ANO10: variants seen among roughly 807,000 people sequenced by gnomAD.
ANO10 encodes anoctamin 10.
A neutral mutation model predicts 74.7 loss-of-function variants in ANO10; 77 were observed. The observed-to-expected ratio is 1.03, with a 90% CI of 0.86 to 1.25. The LOEUF is 1.25. Ranked by LOEUF, ANO10 falls within the 50% of genes most tolerant of loss-of-function variation. ANO10 has a pLI of 0.00. For missense variants in ANO10, 721 were observed against 778.1 expected (o/e 0.93, Z 0.87); for synonymous variants, 279 against 284.9 (o/e 0.98, Z 0.21).
intron 1 of ANO10, among the ~76,000 whole-genome samples, chr3:43,607,367 A>C (rs1008740682): frequency 1.3e-5 from 2 of 152,014 alleles, no homozygotes; most frequent in African/African-American, 4.8e-5. Flanking sequence ...AAACAAAAAA[A>C]AAACCAAGGC....
At chr3:43,406,387 A>G (rs1384189420) in intron 12 of ANO10, among the ~76,000 whole-genome samples, 1 of 152,206 alleles carries the variant, frequency 6.6e-6, no homozygotes, top group Non-Finnish European at 1.5e-5. Flanking sequence ...TATAAATATC[A>G]TGACGACATT....
chr3:43,634,673 T>C (rs2149560578), intron 1 of ANO10, among the ~76,000 whole-genome samples: 1 of 152,322 alleles, frequency 6.6e-6, no homozygotes, highest in African/African-American at 2.4e-5. Flanking sequence ...TCTTCATTTA[T>C]TCCCATCTGG....
chr3:43,530,700 A>T (rs1225979436), intron 11 of ANO10, among the ~76,000 whole-genome samples: 2 of 152,148 alleles, frequency 1.3e-5, no homozygotes, highest in Non-Finnish European at 2.9e-5. Flanking sequence ...AGTATATTAT[A>T]ATGATTGTTC....
Position 43,555,160 on chromosome 3 carries a change from C to A in ANO10, c.1668+118G>T, listed in dbSNP as rs1575415206. On this transcript the variant is annotated intron_variant, in intron 10 of 12. Coordinates refer to ENST00000292246, the MANE Select transcript of ANO10 (RefSeq NM_018075.5). ...GCCACACAGCTAGTTTGTAGCCAAACAAACAAATTCAGTTTTCCTAAATCT... is the reference window on the plus strand; with the variant it reads ...GCCACACAGCTAGTTTGTAGCCAAAAAAACAAATTCAGTTTTCCTAAATCT... 8.5e-6 allele frequency: 9 copies of A among 1,058,220 alleles called. No individual in the cohort carries two copies. In the South Asian group the frequency reaches 1.1e-4, roughly 13 times the overall value. The allele number at this position is 1,058,220 out of a possible 1,614,324, so 65.6% of individuals were successfully genotyped here.
chr3:43,453,981 T>C (rs1197331670), intron 11 of ANO10, among the ~76,000 whole-genome samples: 1 of 152,212 alleles, frequency 6.6e-6, no homozygotes, highest in African/African-American at 2.4e-5. Context: ...AGACATATAA[T>C]TAAACTATTC....
intron 11 of ANO10, among the ~76,000 whole-genome samples, chr3:43,458,067 A>T (rs1237576162): frequency 6.6e-6 from 1 of 152,222 alleles, no homozygotes; most frequent in African/African-American, 2.4e-5. Context: ...AGACAACCAC[A>T]TATTGGAAAA....
At chr3:43,513,542 C>A (rs1319511578) in intron 11 of ANO10, among the ~76,000 whole-genome samples, 1 of 152,152 alleles carries the variant, frequency 6.6e-6, no homozygotes, top group East Asian at 1.9e-4. Flanking sequence ...CGGAGTCTCA[C>A]TCTCTCGCCC....
intron 10 of ANO10, 52 bp from the exon 11 acceptor site, chr3:43,549,900 T>C: frequency 1.3e-6 from 2 of 1,595,476 alleles, no homozygotes; most frequent in Non-Finnish European, 1.7e-6. Context: ...CTTCCATATT[T>C]CCTCATCCTT....
chr3:43,565,792 G>A, intron 7 of ANO10, 65 bp from the exon 8 acceptor site: 1 of 1,485,444 alleles, frequency 6.7e-7, no homozygotes, highest in Non-Finnish European at 9.1e-7. Context: ...TACTACAACT[G>A]TAATGCAGCA....
At chr3:43,416,215 T>A (rs2092736729) in intron 12 of ANO10, among the ~76,000 whole-genome samples, 1 of 152,202 alleles carries the variant, frequency 6.6e-6, no homozygotes. Flanking sequence ...AAACAAAAAG[T>A]GTCTACAAAT....
intron 12 of ANO10, among the ~76,000 whole-genome samples, chr3:43,413,948 A>G (rs1231591327): frequency 6.6e-6 from 1 of 151,918 alleles, no homozygotes; most frequent in Non-Finnish European, 1.5e-5. Flanking sequence ...TCATGAGAGA[A>G]GTCATCCTCC....
rs1240200674 is a variant in ANO10 at position 43,605,858 on chromosome 3, A to G, written c.-6T>C. Reference sequence around the variant, plus strand: ...GCTGATAAGGTCACTTTCATCTTTGACAAATCTGCGGAAAATTAAAATAAA... The same window carrying G: ...GCTGATAAGGTCACTTTCATCTTTGGCAAATCTGCGGAAAATTAAAATAAA... On this transcript the variant is annotated 5_prime_UTR_variant, in exon 2 of 13. Transcript: ENST00000292246. 5.6e-5 allele frequency: 90 copies of G among 1,613,196 alleles called. No individual in the cohort carries two copies. The highest frequency in any genetic ancestry group is 7.5e-5 in the Non-Finnish European group (89 of 1,179,590).
intron 2 of ANO10, 64 bp from the exon 3 acceptor site, chr3:43,600,645 C>G: frequency 7.6e-7 from 1 of 1,318,084 alleles, no homozygotes; most frequent in East Asian, 2.5e-5. Context: ...TAAAAACTTT[C>G]TAAATAAATA....
At chr3:43,685,087 GA>G (rs1243422510) in intron 1 of ANO10, among the ~76,000 whole-genome samples, 2 of 151,792 alleles carry the variant, frequency 1.3e-5, no homozygotes, top group Non-Finnish European at 2.9e-5. Flanking sequence ...ATAATAAAGA[GA>G]AAAAAAATAA....
chr3:43,524,977 A>G (rs989742445), intron 11 of ANO10, among the ~76,000 whole-genome samples: 3 of 152,082 alleles, frequency 2.0e-5, no homozygotes, highest in Admixed American at 2.0e-4. Context: ...GACTCTTCCA[A>G]CCCCTCTTAA....
At chr3:43,461,613 C>G (rs1370908137) in intron 11 of ANO10, among the ~76,000 whole-genome samples, 1 of 152,162 alleles carries the variant, frequency 6.6e-6, no homozygotes, top group Non-Finnish European at 1.5e-5. Context: ...GAGGAGTTCC[C>G]TGCACAAGCT....
intron 1 of ANO10, among the ~76,000 whole-genome samples, chr3:43,633,007 GT>G (rs1559377941): frequency 6.6e-6 from 1 of 152,070 alleles, no homozygotes; most frequent in African/African-American, 2.4e-5. Flanking sequence ...TTCGCATCAC[GT>G]TTAAAATGCC....
intron 4 of ANO10, among the ~76,000 whole-genome samples, chr3:43,583,231 C>T (rs529410790): frequency 3.1e-4 from 47 of 151,484 alleles, no homozygotes; most frequent in African/African-American, 1.0e-3. Context: ...TAGAAGTTTG[C>T]TTTTTGGTTT....
intron 11 of ANO10, among the ~76,000 whole-genome samples, chr3:43,448,830 ATTGT>A (rs1278650294): frequency 3.4e-5 from 5 of 149,034 alleles, no homozygotes; most frequent in African/African-American, 1.2e-4. Flanking sequence ...GAGCTATTGG[ATTGT>A]TTGTTTATGG....
Sources: allele counts gnomAD v4.1 joint callset (sites outside exome capture counted in the v4.1 genomes callset), GRCh38; gene constraint gnomAD v4.1.1; transcripts MANE v1.5; gene names NCBI Gene and HGNC (gene_info 2026-07-23, HGNC 2026-07-21).